RIMS2: variants seen among roughly 807,000 people sequenced by gnomAD.
RIMS2 encodes regulating synaptic membrane exocytosis 2, also known as regulating synaptic membrane exocytosis protein 2.
A neutral mutation model predicts 174.4 loss-of-function variants in RIMS2; 59 were observed. The ratio of observed to expected loss-of-function variants is 0.34; its 90% CI spans 0.27 to 0.42. RIMS2 has a LOEUF of 0.42. Among genes scored for constraint, RIMS2 ranks in the 10% least tolerant of loss-of-function variants. The pLI is 1.00. For missense variants in RIMS2, 1,620 were observed against 1,666.3 expected (o/e 0.97, Z 0.48); for synonymous variants, 606 against 572.5 (o/e 1.06, Z -0.84).
chr8:103,610,247 T>G (rs1588960648), intron 1 of RIMS2, among the ~76,000 whole-genome samples: 1 of 152,284 alleles, frequency 6.6e-6, no homozygotes, highest in East Asian at 1.9e-4. Context: ...AGTGGGAGGT[T>G]TTATAGATAT....
chr8:103,809,925 C>A (rs2098676083), intron 3 of RIMS2, among the ~76,000 whole-genome samples: 2 of 152,224 alleles, frequency 1.3e-5, no homozygotes, highest in South Asian at 4.1e-4. Context: ...TTGATGTAAT[C>A]CCTTTTGTAA....
In RIMS2 at chr8:104,211,221, C is replaced by G. The variant is rs534950272; in HGVS notation, c.3335-33695C>G. Among the ~76,000 whole-genome samples, 11 of 151,860 alleles carry G rather than the reference C, an allele frequency of 7.2e-5. No individual in the cohort carries two copies. In the East Asian group the frequency reaches 1.9e-3, roughly 27 times the overall value. ...GGGTGGGAAGAGAATAAAATATAAA[C>G]AAAGACATTTATAAATATACCTTGC... On this transcript the variant is annotated intron_variant, in intron 19 of 23. Coordinates refer to ENST00000504942, the Ensembl canonical transcript of RIMS2.
Position 103,594,766 on chromosome 8 carries a change from A to C in RIMS2, c.176+93704A>C, listed in dbSNP as rs79503243. ...CAAGACAAAGAAAGAAAATATAGAC[A>C]AAGTAGGTTGGTGATTACTTGGCTT... On this transcript the variant is annotated intron_variant, in intron 1 of 23. Transcript: ENST00000504942. 6.6e-5 allele frequency among the ~76,000 whole-genome samples: 10 copies of C among 151,928 alleles called. No individual in the cohort carries two copies. The South Asian group carries it at 1.2e-3, about 19-fold the overall frequency.
chr8:104,056,151 T>C (rs576932078), intron 19 of RIMS2, among the ~76,000 whole-genome samples: 10 of 152,132 alleles, frequency 6.6e-5, no homozygotes, highest in Non-Finnish European at 1.2e-4. Flanking sequence ...ATTCCTATAA[T>C]CCCAGCACCT....
At chr8:103,530,562 T>C (rs899251481) in intron 1 of RIMS2, among the ~76,000 whole-genome samples, 9 of 152,060 alleles carry the variant, frequency 5.9e-5, no homozygotes, top group African/African-American at 2.2e-4. Flanking sequence ...AAAAATAAAA[T>C]GATATTAAAA....
chr8:103,509,422 A>G (rs190707865), intron 1 of RIMS2, among the ~76,000 whole-genome samples: 7 of 152,180 alleles, frequency 4.6e-5, no homozygotes, highest in African/African-American at 1.7e-4. Flanking sequence ...TTTGTTTTAT[A>G]TGTTAGGCTT....
At chr8:103,556,336 T>TA (rs1335369405) in intron 1 of RIMS2, among the ~76,000 whole-genome samples, 1 of 152,138 alleles carries the variant, frequency 6.6e-6, no homozygotes, top group Non-Finnish European at 1.5e-5. Flanking sequence ...AAAATGAAGA[T>TA]AAAAAATTCC....
intron 1 of RIMS2, among the ~76,000 whole-genome samples, chr8:103,619,817 C>G (rs1340238030): frequency 1.3e-5 from 2 of 152,068 alleles, no homozygotes; most frequent in Non-Finnish European, 2.9e-5. Context: ...GGCTACTCTA[C>G]TTTTATAACA....
At chr8:104,093,767 AC>A (rs1464986699) in intron 19 of RIMS2, 124 bp downstream of exon 24, 4 of 622,966 alleles carry the variant, frequency 6.4e-6, no homozygotes, top group Admixed American at 6.8e-5. Flanking sequence ...GGGGAGCTTA[AC>A]TTCAGTACAT....
At chr8:104,131,740 A>G (rs17818743) in intron 19 of RIMS2, among the ~76,000 whole-genome samples, 15,000 of 152,182 alleles carry the variant, frequency 0.099, 922 homozygotes, top group Admixed American at 0.14. Flanking sequence ...ATAAAGGGAA[A>G]GGCAAGAGAG....
intron 1 of RIMS2, among the ~76,000 whole-genome samples, chr8:103,664,267 A>G (rs2096640508): frequency 6.6e-6 from 1 of 152,260 alleles, no homozygotes; most frequent in African/African-American, 2.4e-5. Context: ...ACAAAAGCCA[A>G]AATAGACAAA....
chr8:104,011,961 C>T (rs2154553688), intron 17 of RIMS2, among the ~76,000 whole-genome samples: 1 of 151,988 alleles, frequency 6.6e-6, no homozygotes, highest in Middle Eastern at 3.5e-3. Flanking sequence ...GAAAAGTGTT[C>T]CTTTAAAATA....
At chr8:103,734,704 A>G (rs1321708719) in intron 2 of RIMS2, among the ~76,000 whole-genome samples, 2 of 151,952 alleles carry the variant, frequency 1.3e-5, no homozygotes, top group Non-Finnish European at 2.9e-5. Flanking sequence ...CCTTCATACT[A>G]AGTGCAAAGT....
intron 1 of RIMS2, among the ~76,000 whole-genome samples, chr8:103,673,206 T>C (rs985041610): frequency 2.0e-5 from 3 of 152,194 alleles, no homozygotes; most frequent in Non-Finnish European, 4.4e-5. Context: ...TCATAAGTTA[T>C]TGAGTGCCTG....
chr8:103,846,271 G>T (rs1215600239), intron 3 of RIMS2, among the ~76,000 whole-genome samples: 2 of 152,120 alleles, frequency 1.3e-5, no homozygotes, highest in Non-Finnish European at 2.9e-5. Context: ...GAGGAGTATT[G>T]CCTAGAAGCA....
At chr8:103,657,021 T>C (rs559766941) in intron 1 of RIMS2, among the ~76,000 whole-genome samples, 1 of 152,292 alleles carries the variant, frequency 6.6e-6, no homozygotes, top group African/African-American at 2.4e-5. Flanking sequence ...AGTAACCATT[T>C]TGACATACTC....
chr8:104,221,677 T>C lies in RIMS2; in HGVS notation c.3335-23239T>C, dbSNP rs1190718898. Among the ~76,000 whole-genome samples, 8 of 152,152 alleles carry C rather than the reference T, an allele frequency of 5.3e-5. No individual in the cohort carries two copies. In the East Asian group the frequency reaches 7.7e-4, roughly 15 times the overall value. The stretch of plus-strand genomic sequence containing the variant: ...ATCAGGAAAACAAAAGCAATAAATC[T>C]GGATGAGCCTAAGTCTAAACAGCTA... On this transcript the variant is annotated intron_variant, in intron 19 of 23. Transcript: ENST00000504942.
At chr8:103,629,581 G>T (rs2095864189) in intron 1 of RIMS2, among the ~76,000 whole-genome samples, 1 of 152,044 alleles carries the variant, frequency 6.6e-6, no homozygotes, top group Non-Finnish European at 1.5e-5. Context: ...AAAAGGTACA[G>T]GATACCATTT....
chr8:103,856,251 A>G (rs2099027089), intron 3 of RIMS2, among the ~76,000 whole-genome samples: 1 of 152,154 alleles, frequency 6.6e-6, no homozygotes. Context: ...AAATCTTACT[A>G]CAGTGGTACA....
Sources: allele counts gnomAD v4.1 joint callset (sites outside exome capture counted in the v4.1 genomes callset), GRCh38; gene constraint gnomAD v4.1.1; transcripts MANE v1.5; gene names NCBI Gene and HGNC (gene_info 2026-07-23, HGNC 2026-07-21).